RBM46: variants seen among roughly 807,000 people sequenced by gnomAD.
RBM46 encodes RNA binding motif protein 46, also known as probable RNA-binding protein 46.
Under a neutral mutation model 43.3 loss-of-function variants are expected in RBM46, and 12 were observed. The ratio of observed to expected loss-of-function variants is 0.28; its 90% CI spans 0.18 to 0.45. The LOEUF (loss-of-function observed/expected upper bound fraction) is 0.45, where lower values mean the gene tolerates loss of function less well. Ranked by LOEUF, RBM46 falls within the 20% of genes least tolerant of loss-of-function variation. The pLI is 1.00. For missense variants in RBM46, 412 were observed against 639.1 expected (o/e 0.64, Z 3.83); for synonymous variants, 205 against 207.6 (o/e 0.99, Z 0.11).
chr4:154,795,303 T>C (rs1430634245), intron 1 of RBM46, among the ~76,000 whole-genome samples: 4 of 152,180 alleles, frequency 2.6e-5, no homozygotes, highest in Non-Finnish European at 5.9e-5. Flanking sequence ...AGGATTCAGA[T>C]TTTTTAGCCA....
chr4:154,820,533 G>T, intron 4 of RBM46: 1 of 564,276 alleles, frequency 1.8e-6, no homozygotes, highest in Non-Finnish European at 2.9e-6. Context: ...ACTTTATGAA[G>T]TATTTTTTAT....
At chr4:154,813,415 A>T (rs909036475) in intron 4 of RBM46, among the ~76,000 whole-genome samples, 2 of 152,224 alleles carry the variant, frequency 1.3e-5, no homozygotes, top group South Asian at 4.1e-4. Context: ...ATATGTGTAT[A>T]TTATATATAT....
intron 1 of RBM46, among the ~76,000 whole-genome samples, chr4:154,782,681 C>T (rs557685613): frequency 4.1e-4 from 62 of 152,234 alleles, no homozygotes; most frequent in African/African-American, 1.4e-3. Context: ...CAGGGTTTCA[C>T]CATGTTGGCC....
intron 1 of RBM46, among the ~76,000 whole-genome samples, chr4:154,782,736 C>T (rs1256825954): frequency 1.3e-5 from 2 of 152,194 alleles, no homozygotes; most frequent in South Asian, 2.1e-4. Flanking sequence ...CCGCTTCGGC[C>T]TCCCCAAGTG....
chr4:154,817,254 C>T (rs1327172082), intron 4 of RBM46, among the ~76,000 whole-genome samples: 1 of 151,422 alleles, frequency 6.6e-6, no homozygotes. Flanking sequence ...AGTTTTTAGC[C>T]CCTCTTTTAT....
intron 4 of RBM46, among the ~76,000 whole-genome samples, chr4:154,809,645 G>A (rs1735082867): frequency 6.6e-6 from 1 of 152,062 alleles, no homozygotes; most frequent in Admixed American, 6.6e-5. Context: ...AAGATGTTCA[G>A]TTTCTCCTCC....
intron 1 of RBM46, among the ~76,000 whole-genome samples, chr4:154,789,508 A>G (rs1245459179): frequency 2.6e-5 from 4 of 152,208 alleles, no homozygotes; most frequent in Admixed American, 6.5e-5. Context: ...CCAGCCTTGC[A>G]TCCTGGGGAT....
At chr4:154,820,919 A>G (rs1735692013) in intron 4 of RBM46, among the ~76,000 whole-genome samples, 1 of 151,814 alleles carries the variant, frequency 6.6e-6, no homozygotes, top group Admixed American at 6.6e-5. Context: ...TTATTACCTC[A>G]CAAAGTCTTT....
Position 154,799,075 on chromosome 4 carries a change from C to T in RBM46, c.913C>T (p.Leu305=), listed in dbSNP as rs568502055. The T allele has an allele frequency of 2.5e-6, 4 of 1,614,024 alleles. No homozygotes were observed. The highest frequency in any genetic ancestry group is 1.7e-5 in the Admixed American group (1 of 60,014). The change falls in exon 4 of 5, where the codon CTA becomes TTA. Residue 305 remains leucine (L), a synonymous_variant. Transcript: ENST00000281722. ...TGATGGAGCAAGTATTGAGGTAACA[C>T]TAGCTAAACCAGTAAATAAAGAAAA... is the stretch of plus-strand genomic sequence containing the variant. ...CIDGASIEVT[L]AKPVNKENTW...
At chr4:154,827,813 T>G in intron 4 of RBM46, 55 bp from the exon 5 acceptor site, 1 of 1,605,108 alleles carries the variant, frequency 6.2e-7, no homozygotes, top group Non-Finnish European at 8.5e-7. Flanking sequence ...TCTCTTTAAA[T>G]TAAATTTGTG....
chr4:154,785,809 T>G (rs939946582), intron 1 of RBM46, among the ~76,000 whole-genome samples: 1 of 152,134 alleles, frequency 6.6e-6, no homozygotes, highest in Non-Finnish European at 1.5e-5. Context: ...GGGCCCTTGG[T>G]CTTTTCGATT....
chr4:154,793,232 AG>A (rs925265409), intron 1 of RBM46, among the ~76,000 whole-genome samples: 25 of 152,172 alleles, frequency 1.6e-4, no homozygotes, highest in African/African-American at 6.0e-4. Context: ...TTCCCTGTAT[AG>A]TTGTATCCTG....
chr4:154,804,814 GTTTTTTTTTT>G (rs575968520), intron 4 of RBM46, among the ~76,000 whole-genome samples: 2 of 113,250 alleles, frequency 1.8e-5, no homozygotes, highest in African/African-American at 6.2e-5. Context: ...GATTAAGGTT[GTTTTTTTTTT>G]TTTTTTTTTT....
chr4:154,799,468 G>A lies in RBM46; in HGVS notation c.1306G>A (p.Ala436Thr), dbSNP rs372380427. The change falls in exon 4 of 5, where the codon GCA (alanine) becomes ACA (threonine). Residue 436 changes from alanine to threonine, a missense_variant. By Grantham distance (58) the Ala-to-Thr change is moderately conservative. Transcript: ENST00000281722. Reference sequence around the variant, plus strand: ...GTATAAGATAGTTATTCCTGCTATTGCAAATGGATCCCAGAGTTACTTCAT... The same window carrying A: ...GTATAAGATAGTTATTCCTGCTATTACAAATGGATCCCAGAGTTACTTCAT... Reference protein sequence around the residue: ...LVYKIVIPAIANGSQSYFMPD... With the variant: ...LVYKIVIPAITNGSQSYFMPD... The A allele has an allele frequency of 2.5e-6, 4 of 1,613,606 alleles. No homozygotes were observed. Among genetic ancestry groups the A allele is most frequent in the African/African-American group, 1.3e-5 (1 of 74,908 alleles).
intron 4 of RBM46, chr4:154,827,579 C>A (rs6832866): frequency 0.13 from 150,890 of 1,127,652 alleles, 12,089 homozygotes; most frequent in East Asian, 0.45. Context: ...ATGAGACGTT[C>A]TCTTTTTCTA....
At chr4:154,793,642 A>T (rs887875570) in intron 1 of RBM46, among the ~76,000 whole-genome samples, 1 of 152,166 alleles carries the variant, frequency 6.6e-6, no homozygotes, top group Non-Finnish European at 1.5e-5. Flanking sequence ...GGAAGCCTGC[A>T]GGTGTTTTGT....
intron 4 of RBM46, among the ~76,000 whole-genome samples, chr4:154,824,330 C>T (rs180892101): frequency 3.9e-5 from 6 of 152,138 alleles, no homozygotes; most frequent in Non-Finnish European, 7.4e-5. Context: ...TGTCCTATGA[C>T]CTAGCAATCC....
intron 1 of RBM46, among the ~76,000 whole-genome samples, chr4:154,795,141 A>C (rs936261298): frequency 6.6e-6 from 1 of 152,166 alleles, no homozygotes; most frequent in East Asian, 1.9e-4. Flanking sequence ...GCTTATATGC[A>C]AAGACCTATT....
chr4:154,827,095 A>G (rs1160878274), intron 4 of RBM46: 1 of 1,092,516 alleles, frequency 9.2e-7, no homozygotes, highest in East Asian at 5.2e-5. Flanking sequence ...ACACACACAT[A>G]TAAATGTTGC....
Sources: gnomAD v4.1 joint callset for allele counts (sites outside exome capture counted in the v4.1 genomes callset) on GRCh38, gnomAD v4.1.1 for gene constraint, MANE v1.5 for transcripts, NCBI Gene and HGNC (gene_info 2026-07-23, HGNC 2026-07-21) for gene names.